The following WASHC5 variants were observed in gnomAD, a reference collection of about 807,000 sequenced individuals.
The protein encoded by WASHC5 is WASH complex subunit 5, also known as WASH complex subunit strumpellin.
Under a neutral mutation model 150.4 loss-of-function variants are expected in WASHC5, and 101 were observed. That is an observed-to-expected ratio of 0.67 (90% CI 0.57 to 0.79). The LOEUF (loss-of-function observed/expected upper bound fraction) is 0.79, where lower values mean the gene tolerates loss of function less well. WASHC5 is among the 30% of genes least tolerant of loss of function. The pLI, the probability that WASHC5 is intolerant of heterozygous loss-of-function variation, is 0.00. For synonymous variants in WASHC5, 467 were observed against 491.2 expected (o/e 0.95, Z 0.65); for missense variants, 1,195 against 1,396.3 (o/e 0.86, Z 2.30).
At chr8:125,037,381 A>G in intron 25 of WASHC5, 48 bp from the exon 26 acceptor site, 2 of 1,071,816 alleles carry the variant, frequency 1.9e-6, no homozygotes, top group East Asian at 2.4e-5. Flanking sequence ...CACATTGCAC[A>G]ATACCACAGA....
intron 27 of WASHC5, among the ~76,000 whole-genome samples, chr8:125,032,034 CG>C (rs1815555592): frequency 6.6e-6 from 1 of 152,080 alleles, no homozygotes; most frequent in Admixed American, 6.6e-5. Flanking sequence ...GTGAGTAGAC[CG>C]GATGGAGTTC....
intron 16 of WASHC5, among the ~76,000 whole-genome samples, chr8:125,056,124 T>C (rs959021586): frequency 2.0e-5 from 3 of 152,216 alleles, no homozygotes; most frequent in African/African-American, 7.2e-5. Context: ...CCCTGACATA[T>C]TTCTTGGACT....
Position 125,035,526 on chromosome 8 carries a change from A to T in WASHC5, c.3181+1711T>A, listed in dbSNP as rs368749301. On this transcript the variant is annotated intron_variant, in intron 26 of 28. Coordinates refer to ENST00000318410, the MANE Select transcript of WASHC5 (RefSeq NM_014846.4). ...CATTACACTTGGGATGGCCCTTTAAATTGATTTTGACCAATATATAGAAAG... is the reference window on the plus strand; with the variant it reads ...CATTACACTTGGGATGGCCCTTTAATTTGATTTTGACCAATATATAGAAAG... Among the ~76,000 whole-genome samples, 9 of 152,214 alleles carry T rather than the reference A, an allele frequency of 5.9e-5. No homozygotes were observed. In the East Asian group the frequency reaches 9.6e-4, roughly 16 times the overall value.
At chr8:125,056,427 G>A (rs1477439801) in intron 16 of WASHC5, among the ~76,000 whole-genome samples, 1 of 152,216 alleles carries the variant, frequency 6.6e-6, no homozygotes, top group Non-Finnish European at 1.5e-5. Flanking sequence ...ATAGGAAAAA[G>A]TGACCAGCTA....
rs78059289 is a variant in WASHC5, at chr8:125,058,127, C to T, written c.1765-461G>A. Among the ~76,000 whole-genome samples, 659 of 150,964 alleles carry T rather than the reference C, an allele frequency of 4.4e-3. 8 individuals carry two copies. Among genetic ancestry groups the T allele is most frequent in the African/African-American group, 0.014 (585 of 41,088 alleles). On this transcript the variant is annotated intron_variant, in intron 14 of 28. Coordinates refer to ENST00000318410, the MANE Select transcript of WASHC5 (RefSeq NM_014846.4). ...ACCGAATCTGTCCAATCTAATATGC[C>T]GTCAAGTGTAAGAAGTGCCATTATT...
At chr8:125,085,714 T>C (rs1160817407) in intron 1 of WASHC5, among the ~76,000 whole-genome samples, 4 of 152,126 alleles carry the variant, frequency 2.6e-5, no homozygotes, top group Non-Finnish European at 5.9e-5. Context: ...AGCTTCCTCC[T>C]ACAGCCAGTG....
Position 125,056,724 on chromosome 8 carries a change from C to A in WASHC5, c.1969G>T (p.Asp657Tyr). The change falls in exon 16 of 29, where the codon GAC becomes TAC. Residue 657 changes from aspartate to tyrosine, a missense_variant. This residue lies in a region of WASHC5 where 997 missense variants were observed against 1,168.1 expected (regional missense o/e 0.85). Coordinates refer to ENST00000318410, the MANE Select transcript of WASHC5 (RefSeq NM_014846.4). ...HDIIEVPTRL[D>Y]KDKLRDYAQL... ...GCATAGTCCCTCAGCTTGTCTTTGT[C>A]CAGGCGGGTAGGCACTTCAATAATG... 6.2e-7 allele frequency: 1 copy of A among 1,614,084 alleles called. No homozygotes were observed. The highest frequency in any genetic ancestry group is 8.5e-7 in the Non-Finnish European group (1 of 1,180,016).
intron 16 of WASHC5, among the ~76,000 whole-genome samples, chr8:125,056,077 G>C (rs1281136418): frequency 6.6e-6 from 1 of 152,146 alleles, no homozygotes; most frequent in African/African-American, 2.4e-5. Context: ...TGTTGAATCA[G>C]AATAAACATG....
At chr8:125,066,891 G>A (rs1816756669) in intron 10 of WASHC5, among the ~76,000 whole-genome samples, 1 of 152,218 alleles carries the variant, frequency 6.6e-6, no homozygotes, top group South Asian at 2.1e-4. Context: ...CCCTTCAGAA[G>A]CTCTTGCGTC....
At chr8:125,088,565 C>G (rs779179503) in intron 1 of WASHC5, among the ~76,000 whole-genome samples, 2 of 152,028 alleles carry the variant, frequency 1.3e-5, no homozygotes, top group African/African-American at 2.4e-5. Flanking sequence ...AGCAACATAT[C>G]ATGGTGTGAG....
chr8:125,044,027 A>C lies in WASHC5; in HGVS notation c.2735T>G (p.Leu912Arg), dbSNP rs1460211371. ...DRTVQDTLKT[L>R]MNAVSPLKSI... The stretch of plus-strand genomic sequence containing the variant: ...TTTTAGGGGACTGACAGCATTCATG[A>C]GGGTTTTTAAAGTGTCCTGAACAGT... The change falls in exon 22 of 29, where the codon CTC (leucine) becomes CGC (arginine). Residue 912 changes from leucine (L) to arginine (R), a missense_variant. Coordinates refer to ENST00000318410, the MANE Select transcript of WASHC5 (RefSeq NM_014846.4). The C allele has an allele frequency of 6.2e-7, 1 of 1,613,798 alleles. No homozygotes were observed. The highest frequency in any genetic ancestry group is 1.7e-5 in the Admixed American group (1 of 60,028).
intron 10 of WASHC5, 43 bp downstream of exon 10, chr8:125,067,548 TA>T (rs759075592): frequency 2.6e-6 from 4 of 1,524,294 alleles, no homozygotes; most frequent in Middle Eastern, 1.7e-4. Flanking sequence ...TTTTTAAGCA[TA>T]AAAAAGCTAA....
intron 4 of WASHC5, 76 bp downstream of exon 4, chr8:125,082,307 T>C (rs1420693566): frequency 1.2e-6 from 1 of 838,428 alleles, no homozygotes; most frequent in South Asian, 1.4e-5. Context: ...CGTATATATT[T>C]GTGACTTAAA....
intron 28 of WASHC5, among the ~76,000 whole-genome samples, chr8:125,027,474 C>T (rs191188294): frequency 7.9e-4 from 120 of 152,226 alleles, no homozygotes; most frequent in Admixed American, 1.6e-3. Context: ...TGCAGTGACC[C>T]GGATGAGACT....
At chr8:125,047,363 C>T (rs79810716) in intron 19 of WASHC5, 32 bp from the exon 20 acceptor site, 10 of 1,603,886 alleles carry the variant, frequency 6.2e-6, no homozygotes, top group African/African-American at 1.3e-5. Flanking sequence ...ATTTAGTAAA[C>T]CTTTGATAAG....
chr8:125,026,857 G>A (rs952323278), intron 28 of WASHC5, among the ~76,000 whole-genome samples: 3 of 151,790 alleles, frequency 2.0e-5, no homozygotes, highest in South Asian at 2.1e-4. Context: ...AAAAGGACTT[G>A]CCTAAGTCCT....
At chr8:125,061,751 T>C (rs1217962992) in intron 11 of WASHC5, among the ~76,000 whole-genome samples, 1 of 152,172 alleles carries the variant, frequency 6.6e-6, no homozygotes, top group Non-Finnish European at 1.5e-5. Context: ...AGACATTTCA[T>C]ACAGTAGAGA....
intron 6 of WASHC5, among the ~76,000 whole-genome samples, chr8:125,078,423 G>A (rs1054177416): frequency 2.0e-5 from 3 of 152,228 alleles, no homozygotes; most frequent in East Asian, 1.9e-4. Flanking sequence ...TGTCTTCTTC[G>A]GTGATGGGTC....
At chr8:125,029,044 T>C (rs1282496684) in intron 27 of WASHC5, among the ~76,000 whole-genome samples, 2 of 151,792 alleles carry the variant, frequency 1.3e-5, no homozygotes, top group Non-Finnish European at 2.9e-5. Context: ...TTTTTTTTTT[T>C]TTTTGCGACA....
Sources: allele counts gnomAD v4.1 joint callset (sites outside exome capture counted in the v4.1 genomes callset), GRCh38; gene constraint gnomAD v4.1.1; regional missense constraint gnomAD v4.1.1; transcripts MANE v1.5; gene names NCBI Gene and HGNC (gene_info 2026-07-23, HGNC 2026-07-21).